NISCH: variants seen among roughly 807,000 people sequenced by gnomAD.
The protein encoded by NISCH is nischarin, also known as I-1 receptor candidate protein.
In NISCH, 55 loss-of-function variants were observed where a neutral mutation model predicts 138.4. The observed-to-expected ratio is 0.40, with a 90% CI of 0.32 to 0.50. The LOEUF (loss-of-function observed/expected upper bound fraction) is 0.50, where lower values mean the gene tolerates loss of function less well. Ranked by LOEUF, NISCH falls within the 20% of genes least tolerant of loss-of-function variation. The probability of loss-of-function intolerance (pLI) is 0.71; values close to 1 mark genes in which losing one functional copy is unlikely to be tolerated. For synonymous variants in NISCH, 860 were observed against 861.5 expected, an observed-to-expected ratio of 1.00 and a Z score of 0.03; for missense variants, 1,643 against 2,005.5, an observed-to-expected ratio of 0.82 and a Z score of 3.45.
chr3:52,462,041 G>A (rs1706650126), intron 3 of NISCH, among the ~76,000 whole-genome samples: 2 of 152,110 alleles, frequency 1.3e-5, no homozygotes, highest in Admixed American at 6.5e-5. Context: ...GGAAAGGCCT[G>A]GACTGCTCTT....
At chr3:52,491,689 C>G in intron 20 of NISCH, 176 bp downstream of exon 20, 1 of 1,059,978 alleles carries the variant, frequency 9.4e-7, no homozygotes, top group Non-Finnish European at 1.3e-6. Flanking sequence ...AGCAGTCCCT[C>G]AACCATCTGG....
rs767257482 is a variant in NISCH, at chr3:52,487,976, C to T, written c.2484C>T (p.His828=). Residue 828 remains histidine, a synonymous_variant, in exon 16 of 21, where the codon CAC becomes CAT. Transcript: ENST00000345716. The surrounding 1 kb of genome is among the most constrained non-coding windows in gnomAD (Gnocchi z 9.1). ...GTAGCCCCATCCTCTACGGCAGCCA[C>T]ACCAGCCTGCAGGAGTTCCTGCGCC... ...MLCSPILYGS[H]TSLQEFLRQL... The T allele has an allele frequency of 1.9e-6, 3 of 1,612,180 alleles. No individual in the cohort carries two copies. Among genetic ancestry groups the T allele is most frequent in the Middle Eastern group, 1.6e-4 (1 of 6,062 alleles).
intron 20 of NISCH, 100 bp downstream of exon 20, chr3:52,491,613 C>T (rs1326900141): frequency 7.5e-7 from 1 of 1,336,758 alleles, no homozygotes; most frequent in African/African-American, 1.5e-5. Flanking sequence ...GCCTCTATGT[C>T]TCTCTTTTCT....
At position 52,455,704 on chromosome 3, in the gene NISCH, C is replaced by G; in HGVS notation, c.63C>G (p.Val21=). The G allele has an allele frequency of 7.3e-7, 1 of 1,365,902 alleles. No individual in the cohort carries two copies. Among genetic ancestry groups the G allele is most frequent in the Non-Finnish European group, 9.5e-7 (1 of 1,048,848 alleles). 84.6% of individuals were successfully genotyped at this position (1,365,902 alleles called of 1,614,324 possible). ...REAEPAKEAR[V]VGSELVDTYT... ...CCGAGCCGGCCAAGGAAGCGCGCGT[C>G]GTGGGCTCGGAGCTTGTGGACACTT... Residue 21 remains valine, a synonymous_variant, in exon 1 of 21, where the codon GTC becomes GTG. Coordinates refer to ENST00000345716, the MANE Select transcript of NISCH (RefSeq NM_007184.4).
chr3:52,481,841 C>A, intron 13 of NISCH: 2 of 985,496 alleles, frequency 2.0e-6, no homozygotes, highest in Non-Finnish European at 2.4e-6. Flanking sequence ...GCAGTCTGTC[C>A]CCGCCATCGC....
Position 52,491,518 on chromosome 3 carries a change from C to G in NISCH, c.3904+5C>G. 1 of 1,609,274 alleles carries G rather than the reference C, an allele frequency of 6.2e-7. No homozygotes were observed. Among genetic ancestry groups the G allele is most frequent in the Non-Finnish European group, 8.5e-7 (1 of 1,177,620 alleles). On this transcript the variant is annotated splice_donor_5th_base_variant and intron_variant, in intron 20 of 20. Transcript: ENST00000345716. ...AGTTTGGGAACAAGACCACAGGTACCCCTGTCTAGCTCAGGCTGCAGACAG... is the reference window on the plus strand; with the variant it reads ...AGTTTGGGAACAAGACCACAGGTACGCCTGTCTAGCTCAGGCTGCAGACAG...
chr3:52,461,101 G>A (rs927661004), intron 3 of NISCH, among the ~76,000 whole-genome samples: 3 of 152,156 alleles, frequency 2.0e-5, no homozygotes, highest in Admixed American at 1.3e-4. Context: ...TTAGCTGCGC[G>A]TGGTGACTCA....
rs1559643220 is a variant in NISCH, at chr3:52,488,372, C to T, written c.2880C>T (p.Thr960=). The T allele has an allele frequency of 6.2e-7, 1 of 1,613,792 alleles. No individual in the cohort carries two copies. The highest frequency in any genetic ancestry group is 8.5e-7 in the Non-Finnish European group (1 of 1,180,008). The change falls in exon 16 of 21, where the codon ACC becomes ACT. Residue 960 remains threonine (T), a synonymous_variant. Coordinates refer to ENST00000345716, the MANE Select transcript of NISCH (RefSeq NM_007184.4). ...TGCTGGACCCCACACGCAGCTGTACCCAGCCTCGGGGCGCCTTTGCTGATG... is the reference window on the plus strand; with the variant it reads ...TGCTGGACCCCACACGCAGCTGTACTCAGCCTCGGGGCGCCTTTGCTGATG... ...TVLLDPTRSC[T]QPRGAFADGH...
intron 9 of NISCH, 96 bp downstream of exon 9, chr3:52,477,738 G>C (rs964059728): frequency 9.8e-7 from 1 of 1,022,344 alleles, no homozygotes; most frequent in Non-Finnish European, 1.6e-6. Flanking sequence ...TTGGCCAGGG[G>C]TTGTAAGGGC....
chr3:52,458,898 T>C (rs890161535), intron 3 of NISCH, 54 bp downstream of exon 3: 11 of 1,505,598 alleles, frequency 7.3e-6, no homozygotes, highest in Non-Finnish European at 9.9e-6. Context: ...ACTGCCAAAC[T>C]TGAGGCAGCA....
chr3:52,470,509 A>G, intron 3 of NISCH: 1 of 288,744 alleles, frequency 3.5e-6, no homozygotes. Flanking sequence ...CTCTCCTAGG[A>G]ACACCCAGAG....
At chr3:52,470,789 A>G in intron 3 of NISCH, 70 bp from the exon 4 acceptor site, 2 of 1,242,224 alleles carry the variant, frequency 1.6e-6, no homozygotes, top group Non-Finnish European at 2.4e-6. Context: ...GGGGATAGAT[A>G]GCGGGGAATG....
intron 3 of NISCH, among the ~76,000 whole-genome samples, chr3:52,463,460 A>G (rs142710459): frequency 6.6e-6 from 1 of 152,074 alleles, no homozygotes; most frequent in African/African-American, 2.4e-5. Flanking sequence ...TTTTTGTTGG[A>G]TATATAGCCA....
chr3:52,456,403 A>G (rs977066964), intron 1 of NISCH, among the ~76,000 whole-genome samples: 1 of 152,162 alleles, frequency 6.6e-6, no homozygotes, highest in Non-Finnish European at 1.5e-5. Context: ...TGTGGGAGCG[A>G]GATGGGGCAA....
intron 3 of NISCH, chr3:52,470,616 T>G: frequency 1.8e-6 from 1 of 567,182 alleles, no homozygotes; most frequent in Non-Finnish European, 3.1e-6. Flanking sequence ...TGGACTGGAG[T>G]CGCAGCATTA....
chr3:52,476,456 G>C lies in NISCH; in HGVS notation c.775G>C (p.Val259Leu). 2 of 1,614,106 alleles carry C rather than the reference G, an allele frequency of 1.2e-6. No individual in the cohort carries two copies. The highest frequency in any genetic ancestry group is 8.5e-7 in the Non-Finnish European group (1 of 1,179,984). ...FSATSMKEVL[V>L]PEASEFDEWE... ...AGATGTTTTTATGCAGGAAGTCCTT[G>C]TTCCTGAAGCCTCAGAATTTGATGA... is the stretch of plus-strand genomic sequence containing the variant. Residue 259 changes from valine (V) to leucine (L), a missense_variant, in exon 8 of 21, where the codon GTT becomes CTT. By Grantham distance (32) the Val-to-Leu change is conservative. Coordinates refer to ENST00000345716, the MANE Select transcript of NISCH (RefSeq NM_007184.4).
chr3:52,481,906 A>G, intron 13 of NISCH: 2 of 985,408 alleles, frequency 2.0e-6, no homozygotes, highest in Non-Finnish European at 2.4e-6. Context: ...ACTGCAGTGG[A>G]TGTCTTTGTG....
At position 52,489,649 on chromosome 3, in the gene NISCH, A is replaced by G. The variant is rs1053637690; in HGVS notation, c.3427A>G (p.Ile1143Val). The G allele has an allele frequency of 4.3e-6, 7 of 1,612,628 alleles. No homozygotes were observed. Among genetic ancestry groups the G allele is most frequent in the Non-Finnish European group, 4.2e-6 (5 of 1,179,882 alleles). ...HVASLRGSAI[I>V]ELFHSSIAEV... ...CGCCAGCCTGCGGGGCAGCGCCATC[A>G]TCGAGCTCTTCCACAGCAGCATTGC... Residue 1143 changes from isoleucine (I) to valine (V), a missense_variant, in exon 17 of 21, where the codon ATC becomes GTC. Coordinates refer to ENST00000345716, the MANE Select transcript of NISCH (RefSeq NM_007184.4).
intron 15 of NISCH, among the ~76,000 whole-genome samples, chr3:52,486,867 T>G (rs952813373): frequency 2.6e-5 from 4 of 152,220 alleles, no homozygotes; most frequent in Non-Finnish European, 5.9e-5. Flanking sequence ...CTCCGGGGCT[T>G]ATGGCAGCAA....
Sources: gnomAD v4.1 joint callset for allele counts (sites outside exome capture counted in the v4.1 genomes callset) on GRCh38, gnomAD v4.1.1 for gene constraint, Gnocchi (gnomAD v3.1) non-coding constraint, MANE v1.5 for transcripts, NCBI Gene and HGNC (gene_info 2026-07-23, HGNC 2026-07-21) for gene names.